The following CYP2U1 variants were observed in gnomAD, a reference collection of about 807,000 sequenced individuals.
CYP2U1 encodes cytochrome P450 family 2 subfamily U member 1.
In CYP2U1, 28 loss-of-function variants were observed where a neutral mutation model predicts 42.8. That is an observed-to-expected ratio of 0.65 (90% CI 0.48 to 0.90). The LOEUF (loss-of-function observed/expected upper bound fraction) is 0.90, where lower values mean the gene tolerates loss of function less well. Ranked by LOEUF, CYP2U1 falls within the 40% of genes least tolerant of loss-of-function variation. CYP2U1 has a pLI of 0.00. For synonymous variants in CYP2U1, 296 were observed against 278.9 expected, an observed-to-expected ratio of 1.06 and a Z score of -0.61; for missense variants, 642 against 693.8, an observed-to-expected ratio of 0.93 and a Z score of 0.84.
rs764878369 is a variant in CYP2U1, at chr4:107,932,096, G to T, written c.453G>T (p.Pro151=). ...VQQAEVFSDR[P]RVPLISIVTK... ...AGGCCGAGGTCTTCAGCGACCGCCC[G>T]CGGGTGCCGCTCATCTCCATCGTGA... The change falls in exon 1 of 5, where the codon CCG becomes CCT. Residue 151 remains proline, a synonymous_variant. Coordinates refer to ENST00000332884, the MANE Select transcript of CYP2U1 (RefSeq NM_183075.3). The T allele has an allele frequency of 6.3e-7, 1 of 1,599,884 alleles. No individual in the cohort carries two copies.
At chr4:107,938,012 T>C (rs899939366) in intron 1 of CYP2U1, 1 of 152,366 alleles carries the variant, frequency 6.6e-6, no homozygotes, top group East Asian at 1.9e-4. Context: ...TGGTTTGAGT[T>C]GGATTTTTAT....
intron 1 of CYP2U1, 73 bp downstream of exon 1, chr4:107,932,206 T>C: frequency 6.7e-7 from 1 of 1,498,804 alleles, no homozygotes; most frequent in East Asian, 2.4e-5. Flanking sequence ...GGGCTGCAGT[T>C]CCTGTGCCCC....
chr4:107,946,834 A>T (rs1733714547), intron 2 of CYP2U1, among the ~76,000 whole-genome samples: 1 of 151,976 alleles, frequency 6.6e-6, no homozygotes, highest in Admixed American at 6.6e-5. Context: ...CCATAAGGCC[A>T]CTTCACTTGG....
At position 107,945,133 on chromosome 4, in the gene CYP2U1, C is replaced by T; in HGVS notation, c.654C>T (p.Phe218=). 6.2e-7 allele frequency: 1 copy of T among 1,613,988 alleles called. No homozygotes were observed. The highest frequency in any genetic ancestry group is 1.3e-5 in the African/African-American group (1 of 74,988). The change falls in exon 2 of 5, where the codon TTC becomes TTT. Residue 218 remains phenylalanine (F), a synonymous_variant. Coordinates refer to ENST00000332884, the MANE Select transcript of CYP2U1 (RefSeq NM_183075.3). ...TGCAAAAGCACGGAGAAGACCCCTT[C>T]TGCCCTTTCTCCATCATCAGCAATG... ...AEMQKHGEDP[F]CPFSIISNAV...
rs116351512 is a variant in CYP2U1 at position 107,941,215 on chromosome 4, A to G, written c.491-3755A>G. ...TGTACCTAACAATGTCATCTAATAT[A>G]TATCTGTATTTAACAGCATATATAT... On this transcript the variant is annotated intron_variant, in intron 1 of 4. Transcript: ENST00000332884. 799 of 150,992 alleles carry G rather than the reference A, an allele frequency of 5.3e-3. 11 individuals are homozygous for G. The highest frequency in any genetic ancestry group is 0.019 in the African/African-American group (771 of 41,294). 9.4% of individuals were successfully genotyped at this position (150,992 alleles called of 1,614,324 possible). A position where few individuals can be genotyped will look rare whatever the true frequency, so the allele number is the denominator to read the frequency against.
rs1560697276 is a variant in CYP2U1, at chr4:107,938,738, TA to T, written c.491-6231del. ...GATTTTTGCTTCGGAGCCATTTTGC[TA>T]GACCAAATATTTCTAAAATACAAAT... On this transcript the variant is annotated intron_variant, in intron 1 of 4. Coordinates refer to ENST00000332884, the MANE Select transcript of CYP2U1 (RefSeq NM_183075.3). 7 of 152,372 alleles carry T rather than the reference TA, an allele frequency of 4.6e-5. No individual in the cohort carries two copies. In the South Asian group the frequency reaches 1.4e-3, roughly 32 times the overall value. The allele number at this position is 152,372 out of a possible 1,614,324, so 9.4% of individuals were successfully genotyped here. A position where few individuals can be genotyped will look rare whatever the true frequency, so the allele number is the denominator to read the frequency against.
chr4:107,943,165 T>C (rs1415075445), intron 1 of CYP2U1, among the ~76,000 whole-genome samples: 1 of 152,232 alleles, frequency 6.6e-6, no homozygotes. Context: ...TTCAGCCTTC[T>C]GATTGACAAA....
At position 107,952,267 on chromosome 4, in the gene CYP2U1, TA is replaced by T. The variant is rs1250330788; in HGVS notation, c.*1851del. Reference sequence around the variant, plus strand: ...GTTAATGTCCATTAAAGCCAGTTTTTAAAAAAATCACTGGACTTTTGTGTTT... The same window carrying T: ...GTTAATGTCCATTAAAGCCAGTTTTTAAAAAATCACTGGACTTTTGTGTTT... On this transcript the variant is annotated 3_prime_UTR_variant, in exon 5 of 5. Coordinates refer to ENST00000332884, the MANE Select transcript of CYP2U1 (RefSeq NM_183075.3). 1.3e-5 allele frequency: 2 copies of T among 152,228 alleles called. No homozygotes were observed. The highest frequency in any genetic ancestry group is 2.9e-5 in the Non-Finnish European group (2 of 68,034). 9.4% of individuals were successfully genotyped at this position (152,228 alleles called of 1,614,324 possible).
At chr4:107,949,128 G>A (rs963571548) in intron 3 of CYP2U1, among the ~76,000 whole-genome samples, 21 of 151,968 alleles carry the variant, frequency 1.4e-4, no homozygotes, top group African/African-American at 3.4e-4. Flanking sequence ...GCATTCATTG[G>A]AGCACTGCCT....
intron 3 of CYP2U1, among the ~76,000 whole-genome samples, chr4:107,948,362 G>A (rs1016345594): frequency 3.3e-5 from 5 of 150,020 alleles, no homozygotes; most frequent in Middle Eastern, 3.5e-3. Context: ...CCAGGAGTTC[G>A]AGACCAGCCT....
At chr4:107,949,177 G>GA (rs943635555) in intron 3 of CYP2U1, among the ~76,000 whole-genome samples, 173 bp from the exon 4 acceptor site, 2 of 152,146 alleles carry the variant, frequency 1.3e-5, no homozygotes, top group Non-Finnish European at 2.9e-5. Flanking sequence ...GGTGCGGGGA[G>GA]AGGGATGCCA....
intron 1 of CYP2U1, among the ~76,000 whole-genome samples, chr4:107,942,716 C>T (rs1161743633): frequency 6.6e-6 from 1 of 152,108 alleles, no homozygotes; most frequent in Non-Finnish European, 1.5e-5. Context: ...CATGCTTGAA[C>T]AATAGGTTGT....
chr4:107,932,282 G>A lies in CYP2U1; in HGVS notation c.490+149G>A, dbSNP rs995092105. On this transcript the variant is annotated intron_variant, in intron 1 of 4. Coordinates refer to ENST00000332884, the MANE Select transcript of CYP2U1 (RefSeq NM_183075.3). Reference sequence around the variant, plus strand: ...CCTGAACTAACAGGTGATGGTGGTGGCGGCGCTTCTCCTTTCTGATGCCTT... The same window carrying A: ...CCTGAACTAACAGGTGATGGTGGTGACGGCGCTTCTCCTTTCTGATGCCTT... 6.6e-6 allele frequency: 9 copies of A among 1,363,178 alleles called. No homozygotes were observed. The African/African-American group carries it at 8.8e-5, about 13-fold the overall frequency. The allele number at this position is 1,363,178 out of a possible 1,614,324, so 84.4% of individuals were successfully genotyped here.
At chr4:107,944,325 C>T (rs1455570635) in intron 1 of CYP2U1, among the ~76,000 whole-genome samples, 1 of 151,972 alleles carries the variant, frequency 6.6e-6, no homozygotes, top group Non-Finnish European at 1.5e-5. Context: ...TTTTTAGAGG[C>T]AGGGTCTTGC....
chr4:107,939,493 T>G (rs549110856), intron 1 of CYP2U1, among the ~76,000 whole-genome samples: 19 of 152,286 alleles, frequency 1.2e-4, no homozygotes, highest in African/African-American at 4.1e-4. Context: ...CACATTGAAA[T>G]GAAATGACAC....
chr4:107,943,114 T>C (rs918234224), intron 1 of CYP2U1, among the ~76,000 whole-genome samples: 3 of 152,224 alleles, frequency 2.0e-5, no homozygotes, highest in African/African-American at 7.2e-5. Context: ...GACCCACTGG[T>C]AACAATCAGA....
At chr4:107,944,132 C>T (rs9884307) in intron 1 of CYP2U1, among the ~76,000 whole-genome samples, 57,333 of 151,934 alleles carry the variant, frequency 0.38, 11,242 homozygotes, top group East Asian at 0.68. Context: ...TATTTAACAA[C>T]CTCTCCTATG....
intron 1 of CYP2U1, among the ~76,000 whole-genome samples, chr4:107,944,457 C>T (rs1733608343): frequency 6.6e-6 from 1 of 150,406 alleles, no homozygotes; most frequent in Admixed American, 6.7e-5. Flanking sequence ...ATGCATGCCA[C>T]CACACCCGGC....
At position 107,951,821 on chromosome 4, in the gene CYP2U1, T is replaced by A. The variant is rs1252006803; in HGVS notation, c.*1398T>A. ...ACTTAATCCTTTACTTGTATGTTTC[T>A]GTAATTCTTACATAAATTCTATTAA... On this transcript the variant is annotated 3_prime_UTR_variant, in exon 5 of 5. Coordinates refer to ENST00000332884, the MANE Select transcript of CYP2U1 (RefSeq NM_183075.3). 1 of 152,268 alleles carries A rather than the reference T, an allele frequency of 6.6e-6. No individual in the cohort carries two copies. Among genetic ancestry groups the A allele is most frequent in the East Asian group, 1.9e-4 (1 of 5,202 alleles). 9.4% of individuals were successfully genotyped at this position (152,268 alleles called of 1,614,324 possible). A position where few individuals can be genotyped will look rare whatever the true frequency, so the allele number is the denominator to read the frequency against.
Sources: gnomAD v4.1 joint callset for allele counts (sites outside exome capture counted in the v4.1 genomes callset) on GRCh38, gnomAD v4.1.1 for gene constraint, MANE v1.5 for transcripts, NCBI Gene and HGNC (gene_info 2026-07-23, HGNC 2026-07-21) for gene names.